KANSL1L: variants seen among roughly 807,000 people sequenced by gnomAD.
KANSL1L encodes the protein KAT8 regulatory NSL complex subunit 1 like, also known as KAT8 regulatory NSL complex subunit 1-like protein.
In KANSL1L, 25 loss-of-function variants were observed where a neutral mutation model predicts 108.6. That is an observed-to-expected ratio of 0.23 (90% confidence interval 0.17 to 0.32). The LOEUF (loss-of-function observed/expected upper bound fraction) is 0.32. Ranked by LOEUF, KANSL1L falls within the 10% of genes least tolerant of loss-of-function variation. The probability of loss-of-function intolerance (pLI) is 1.00; values close to 1 mark genes in which losing one functional copy is unlikely to be tolerated. For missense variants in KANSL1L, 1,137 were observed against 1,125.7 expected (o/e 1.01, Z -0.14); for synonymous variants, 405 against 395.1 (o/e 1.03, Z -0.30).
At chr2:210,098,900 T>C (rs1239471425) in intron 4 of KANSL1L, among the ~76,000 whole-genome samples, 8 of 151,052 alleles carry the variant, frequency 5.3e-5, no homozygotes, top group Admixed American at 5.3e-4. Context: ...TTATATAATA[T>C]GTATAAATAT....
chr2:210,098,307 C>G, intron 4 of KANSL1L, 100 bp from the exon 5 acceptor site: 1 of 1,042,442 alleles, frequency 9.6e-7, no homozygotes, highest in East Asian at 2.9e-5. Flanking sequence ...TCATGACACA[C>G]ATGTTTTTAT....
At chr2:210,116,740 T>C (rs1045464719) in intron 3 of KANSL1L, among the ~76,000 whole-genome samples, 11 of 152,102 alleles carry the variant, frequency 7.2e-5, no homozygotes, top group Non-Finnish European at 1.6e-4. Flanking sequence ...CCAAGGGTGT[T>C]TCAATATCTA....
intron 1 of KANSL1L, among the ~76,000 whole-genome samples, chr2:210,161,400 C>T (rs1383361337): frequency 6.6e-6 from 1 of 152,048 alleles, no homozygotes; most frequent in Non-Finnish European, 1.5e-5. Flanking sequence ...AAACTGAATA[C>T]GTATTTCATA....
At chr2:210,113,525 C>A (rs2094928030) in intron 3 of KANSL1L, among the ~76,000 whole-genome samples, 1 of 150,624 alleles carries the variant, frequency 6.6e-6, no homozygotes, top group South Asian at 2.1e-4. Context: ...ACAAAAAAAA[C>A]AAAAAGCATA....
intron 6 of KANSL1L, among the ~76,000 whole-genome samples, chr2:210,046,956 C>T (rs770979430): frequency 7.2e-5 from 11 of 152,154 alleles, no homozygotes; most frequent in Admixed American, 1.3e-4. Flanking sequence ...CCATAATGTA[C>T]GGTTCTATTG....
intron 8 of KANSL1L, among the ~76,000 whole-genome samples, chr2:210,037,501 TC>T (rs1268864535): frequency 6.6e-6 from 1 of 152,206 alleles, no homozygotes; most frequent in East Asian, 1.9e-4. Flanking sequence ...TTTAGGCTTT[TC>T]CCCCTAAGCA....
At chr2:210,153,351 C>T (rs1382330572) in intron 2 of KANSL1L, 144 bp downstream of exon 2, 2 of 676,752 alleles carry the variant, frequency 3.0e-6, no homozygotes, top group Non-Finnish European at 2.3e-6. Flanking sequence ...GAGACTCTGT[C>T]TCAAAAATAA....
intron 8 of KANSL1L, among the ~76,000 whole-genome samples, chr2:210,034,138 A>C (rs760560669): frequency 6.6e-6 from 1 of 152,180 alleles, no homozygotes; most frequent in Non-Finnish European, 1.5e-5. Flanking sequence ...AACCAATTAC[A>C]TGGCAAGCAT....
At chr2:210,113,999 A>C (rs1042237563) in intron 3 of KANSL1L, among the ~76,000 whole-genome samples, 2 of 152,182 alleles carry the variant, frequency 1.3e-5, no homozygotes, top group Non-Finnish European at 2.9e-5. Context: ...GAAGAGAAAG[A>C]CAGGCAGAGA....
At chr2:210,029,018 AATG>A (rs1173945723) in intron 10 of KANSL1L, 49 bp from the exon 11 acceptor site, 9 of 1,449,738 alleles carry the variant, frequency 6.2e-6, no homozygotes, top group African/African-American at 1.5e-5. Context: ...AGTTACTTGT[AATG>A]ATACCCTCCT....
At chr2:210,152,554 C>G (rs1038797731) in intron 2 of KANSL1L, 1 of 152,180 alleles carries the variant, frequency 6.6e-6, no homozygotes, top group East Asian at 1.9e-4. Flanking sequence ...GTACATGCCC[C>G]AAAAGGCAGA....
Position 210,079,640 on chromosome 2 carries a change from A to ATG in KANSL1L, c.1551-3885_1551-3884insCA, listed in dbSNP as rs1163392635. Among the ~76,000 whole-genome samples the ATG allele has an allele frequency of 3.0e-3, 15 of 5,028 alleles. No homozygotes were observed. In the East Asian group the frequency reaches 0.1, roughly 34 times the overall value. 3.3% of individuals were successfully genotyped at this position (5,028 alleles called of 152,430 possible). ...TATATATATATATATATATATATAT[A>ATG]TATATATATATATATATATATATAT... On this transcript the variant is annotated intron_variant, in intron 5 of 14. Transcript: ENST00000281772.
intron 6 of KANSL1L, among the ~76,000 whole-genome samples, chr2:210,045,545 C>G (rs181236106): frequency 9.3e-4 from 142 of 152,260 alleles, no homozygotes; most frequent in Middle Eastern, 3.4e-3. Flanking sequence ...ATATATTTAT[C>G]TCATCTCATT....
chr2:210,118,404 T>C (rs1253756857), intron 3 of KANSL1L, among the ~76,000 whole-genome samples: 6 of 130,396 alleles, frequency 4.6e-5, no homozygotes, highest in South Asian at 2.4e-4. Context: ...GAGGTGGAGG[T>C]CGCACTGTGA....
rs143376566 is a variant in KANSL1L at position 210,031,536 on chromosome 2, A to G, written c.2040T>C (p.Thr680=). Residue 680 remains threonine (T), a synonymous_variant, in exon 9 of 15, where the codon ACT becomes ACC. Transcript: ENST00000281772. ...YIISPSPVHS[T]LNQWRNGYSP... is the part of the protein sequence containing the mutation. ...AATATCCATTTCTCCATTGATTCAG[A>G]GTACTATGTACTAAAACAAATGAAA... 3.1e-4 allele frequency: 482 copies of G among 1,539,198 alleles called. No homozygotes were observed. The highest frequency in any genetic ancestry group is 4.1e-4 in the Non-Finnish European group (460 of 1,122,590).
At position 210,044,513 on chromosome 2, in the gene KANSL1L, A is replaced by ATT. The variant is rs941479880; in HGVS notation, c.1756-410_1756-409insAA. ...ATGAATAAAAATGATCAAAGGAGAC[A>ATT]TATGTGTTTTGTTCCTGATTGTAAT... is the stretch of plus-strand genomic sequence containing the variant. On this transcript the variant is annotated intron_variant, in intron 6 of 14. Transcript: ENST00000281772. This position sits in a 1 kb window ranked among gnomAD's most constrained non-coding sequence, Gnocchi z 4.2. Among the ~76,000 whole-genome samples, 1 of 151,870 alleles carries ATT rather than the reference A, an allele frequency of 6.6e-6. No homozygotes were observed. The highest frequency in any genetic ancestry group is 2.4e-5 in the African/African-American group (1 of 41,330).
chr2:210,075,085 A>G (rs2094533007), intron 6 of KANSL1L, among the ~76,000 whole-genome samples: 1 of 152,238 alleles, frequency 6.6e-6, no homozygotes, highest in Non-Finnish European at 1.5e-5. Context: ...GTTCTAGAAG[A>G]AGGAAAAGGA....
At chr2:210,111,364 T>C (rs764454951) in intron 3 of KANSL1L, among the ~76,000 whole-genome samples, 40 of 152,170 alleles carry the variant, frequency 2.6e-4, no homozygotes, top group Admixed American at 2.6e-4. Flanking sequence ...AAAAGCATTA[T>C]GCTAAGTGAA....
chr2:210,097,991 A>T (rs754656210), intron 5 of KANSL1L, 95 bp downstream of exon 5: 17 of 1,030,340 alleles, frequency 1.6e-5, no homozygotes, highest in Non-Finnish European at 2.3e-5. Context: ...GTACAAAAAA[A>T]GTAGCTATAA....
Sources: allele counts gnomAD v4.1 joint callset (sites outside exome capture counted in the v4.1 genomes callset), GRCh38; gene constraint gnomAD v4.1.1; non-coding constraint Gnocchi (gnomAD v3.1); transcripts MANE v1.5; gene names NCBI Gene and HGNC (gene_info 2026-07-23, HGNC 2026-07-21).